ADCY2: variants seen among roughly 807,000 people sequenced by gnomAD.
ADCY2 encodes adenylate cyclase type 2.
ADCY2 carries 31 observed loss-of-function variants against 125.2 expected under a neutral mutation model. That is an observed-to-expected ratio of 0.25 (90% CI 0.19 to 0.33). The LOEUF (loss-of-function observed/expected upper bound fraction) is 0.33, where lower values mean the gene tolerates loss of function less well. ADCY2 is among the 10% of genes least tolerant of loss of function. The pLI is 1.00. For synonymous variants in ADCY2, 512 were observed against 548.4 expected (o/e 0.93, Z 0.93); for missense variants, 904 against 1,418.2 (o/e 0.64, Z 5.82).
intron 12 of ADCY2, among the ~76,000 whole-genome samples, chr5:7,723,025 A>G (rs1376772167): frequency 1.3e-5 from 2 of 150,484 alleles, no homozygotes; most frequent in Non-Finnish European, 3.0e-5. Flanking sequence ...GCTGGAGGCC[A>G]TTATCCTCAG....
chr5:7,528,891 A>C (rs1303648825), intron 3 of ADCY2, among the ~76,000 whole-genome samples: 1 of 152,238 alleles, frequency 6.6e-6, no homozygotes, highest in Non-Finnish European at 1.5e-5. Context: ...TTAAACCACC[A>C]GTAATCAATC....
chr5:7,418,888 C>T (rs567638724), intron 2 of ADCY2, among the ~76,000 whole-genome samples: 1 of 152,188 alleles, frequency 6.6e-6, no homozygotes, highest in African/African-American at 2.4e-5. Flanking sequence ...CTTCTGACCT[C>T]ATGATCTGCC....
At chr5:7,826,648 C>A (rs1387851673) in intron 24 of ADCY2, 71 bp from the exon 25 acceptor site, 1 of 1,600,944 alleles carries the variant, frequency 6.2e-7, no homozygotes, top group African/African-American at 1.3e-5. Flanking sequence ...TTTAGCTCTG[C>A]ATCCTTGAGT....
chr5:7,717,883 C>T (rs1483894730), intron 12 of ADCY2, among the ~76,000 whole-genome samples: 1 of 152,192 alleles, frequency 6.6e-6, no homozygotes, highest in African/African-American at 2.4e-5. Flanking sequence ...GAGCAGAAGG[C>T]ACATGGCTCA....
At chr5:7,607,791 C>G (rs1419501144) in intron 3 of ADCY2, among the ~76,000 whole-genome samples, 1 of 152,208 alleles carries the variant, frequency 6.6e-6, no homozygotes, top group East Asian at 1.9e-4. Context: ...TTGGCTGTAA[C>G]TTGTATATTA....
chr5:7,507,027 T>C (rs1743849916), intron 2 of ADCY2, among the ~76,000 whole-genome samples: 1 of 150,186 alleles, frequency 6.7e-6, no homozygotes, highest in Non-Finnish European at 1.5e-5. Context: ...GACCTCGTGA[T>C]CCACCCGCCT....
intron 24 of ADCY2, among the ~76,000 whole-genome samples, chr5:7,821,097 G>C (rs1480850692): frequency 2.6e-5 from 4 of 152,166 alleles, no homozygotes; most frequent in Non-Finnish European, 1.5e-5. Context: ...GAATTGGGAG[G>C]AGGGGAAGTG....
rs187877223 is a variant in ADCY2 at position 7,577,250 on chromosome 5, A to G, written c.571-48917A>G. On this transcript the variant is annotated intron_variant, in intron 3 of 24. Coordinates refer to ENST00000338316, the MANE Select transcript of ADCY2 (RefSeq NM_020546.3). ...TCTTACTCACACTGCAGGATCAGAA[A>G]GAGTCTTTCAATTTGAATTTCATAT... Among the ~76,000 whole-genome samples the G allele has an allele frequency of 5.3e-5, 8 of 152,326 alleles. No individual in the cohort carries two copies. In the East Asian group the frequency reaches 1.5e-3, roughly 29 times the overall value.
intron 2 of ADCY2, among the ~76,000 whole-genome samples, chr5:7,484,595 A>G (rs1742855664): frequency 2.0e-5 from 3 of 152,212 alleles, no homozygotes; most frequent in Middle Eastern, 3.4e-3. Flanking sequence ...ATCCTATGTC[A>G]CTGGAAAGTT....
At chr5:7,491,207 G>A (rs916053481) in intron 2 of ADCY2, among the ~76,000 whole-genome samples, 17 of 152,084 alleles carry the variant, frequency 1.1e-4, no homozygotes, top group African/African-American at 4.1e-4. Context: ...TACTCAGGAT[G>A]TATTCTCACA....
At chr5:7,659,713 T>A (rs569519867) in intron 4 of ADCY2, among the ~76,000 whole-genome samples, 1 of 152,328 alleles carries the variant, frequency 6.6e-6, no homozygotes, top group Admixed American at 6.5e-5. Context: ...GTTTCATTAT[T>A]CTTGTGCAAT....
At chr5:7,749,061 A>G (rs981011622) in intron 15 of ADCY2, among the ~76,000 whole-genome samples, 3 of 152,230 alleles carry the variant, frequency 2.0e-5, no homozygotes, top group Admixed American at 6.5e-5. Flanking sequence ...GCCCATGTTC[A>G]TGGACATGGA....
intron 2 of ADCY2, among the ~76,000 whole-genome samples, chr5:7,457,625 G>C (rs1741737467): frequency 6.6e-6 from 1 of 152,168 alleles, no homozygotes; most frequent in Admixed American, 6.5e-5. Context: ...CCCTAAATGG[G>C]ACAAGGTGCA....
At chr5:7,643,569 C>T (rs1738785470) in intron 4 of ADCY2, among the ~76,000 whole-genome samples, 1 of 150,526 alleles carries the variant, frequency 6.6e-6, no homozygotes. Flanking sequence ...TTTTTTTTTT[C>T]CACAATAAAA....
At chr5:7,621,717 T>C (rs886997393) in intron 3 of ADCY2, among the ~76,000 whole-genome samples, 2 of 152,200 alleles carry the variant, frequency 1.3e-5, no homozygotes, top group Non-Finnish European at 2.9e-5. Flanking sequence ...AAAATAATAA[T>C]AATTTGCTAG....
At chr5:7,699,501 C>T (rs1043974723) in intron 7 of ADCY2, among the ~76,000 whole-genome samples, 3 of 152,094 alleles carry the variant, frequency 2.0e-5, no homozygotes, top group African/African-American at 7.2e-5. Context: ...TTGTGCATTT[C>T]AATATAATTG....
In ADCY2 at chr5:7,805,443, C is replaced by CGT. The variant is rs765541337; in HGVS notation, c.2883+765_2883+766dup. ...TCAACTAAGGTTTTCGAGATTTTCT[C>CGT]GTGTGTGTGTGTGTGAGAGAGAGAG... On this transcript the variant is annotated intron_variant, in intron 22 of 24. Coordinates refer to ENST00000338316, the MANE Select transcript of ADCY2 (RefSeq NM_020546.3). 4.1e-3 allele frequency among the ~76,000 whole-genome samples: 618 copies of CGT among 151,740 alleles called. 6 individuals are homozygous for CGT. Among genetic ancestry groups the CGT allele is most frequent in the Middle Eastern group, 0.017 (5 of 294 alleles).
At chr5:7,654,173 C>T (rs549400144) in intron 4 of ADCY2, 6 of 454,672 alleles carry the variant, frequency 1.3e-5, no homozygotes, top group African/African-American at 6.0e-5. Context: ...GAAGAGATGG[C>T]GCATCCAGCG....
chr5:7,749,733 GTTGTTACC>G (rs2126444582), intron 15 of ADCY2: 1 of 152,276 alleles, frequency 6.6e-6, no homozygotes, highest in South Asian at 2.1e-4. Flanking sequence ...TTCTCTCAGT[GTTGTTACC>G]TTGTGCTTTC....
Sources: gnomAD v4.1 joint callset for allele counts (sites outside exome capture counted in the v4.1 genomes callset) on GRCh38, gnomAD v4.1.1 for gene constraint, MANE v1.5 for transcripts, NCBI Gene and HGNC (gene_info 2026-07-23, HGNC 2026-07-21) for gene names.